Variants in SNX11 observed in about 807,000 individuals in gnomAD.
The protein encoded by SNX11 is sorting nexin 11.
SNX11 carries 19 observed loss-of-function variants against 30.7 expected under a neutral mutation model. The observed-to-expected ratio is 0.62, with a 90% CI of 0.43 to 0.91. SNX11 has a LOEUF of 0.91. Ranked by LOEUF, SNX11 falls within the 40% of genes least tolerant of loss-of-function variation. SNX11 has a pLI of 0.00. For missense variants in SNX11, 302 were observed against 326.7 expected (o/e 0.92, Z 0.58); for synonymous variants, 112 against 119.0 (o/e 0.94, Z 0.38).
At chr17:48,116,785 C>T (rs953159769) in intron 4 of SNX11, among the ~76,000 whole-genome samples, 1 of 151,098 alleles carries the variant, frequency 6.6e-6, no homozygotes, top group Admixed American at 6.6e-5. Flanking sequence ...TCAGGCTGGT[C>T]TCCAACTCCT....
intron 6 of SNX11, among the ~76,000 whole-genome samples, chr17:48,120,884 T>C (rs2063593642): frequency 7.0e-6 from 1 of 141,898 alleles, no homozygotes; most frequent in African/African-American, 2.6e-5. Flanking sequence ...CAGACTCAAA[T>C]AATTCACCAT....
At chr17:48,119,513 G>A (rs746869343) in intron 6 of SNX11, among the ~76,000 whole-genome samples, 44 of 152,174 alleles carry the variant, frequency 2.9e-4, no homozygotes, top group Non-Finnish European at 5.3e-4. Flanking sequence ...GTGCAGTGGC[G>A]TGATCTCGGC....
chr17:48,112,509 C>A, intron 2 of SNX11, 65 bp from the exon 3 acceptor site: 1 of 1,033,404 alleles, frequency 9.7e-7, no homozygotes, highest in Non-Finnish European at 1.5e-6. Context: ...AAAAATCTAG[C>A]GACCTGTGTT....
intron 4 of SNX11, among the ~76,000 whole-genome samples, chr17:48,116,935 G>A (rs544902411): frequency 3.3e-5 from 5 of 149,316 alleles, no homozygotes; most frequent in Middle Eastern, 3.5e-3. Flanking sequence ...GCAGTGGCAC[G>A]ATCTCGGCTC....
In SNX11 at chr17:48,123,412, C is replaced by T. The variant is rs934722168; in HGVS notation, c.*1904C>T. Among the ~76,000 whole-genome samples the T allele has an allele frequency of 6.1e-5, 9 of 148,030 alleles. No individual in the cohort carries two copies. The highest frequency in any genetic ancestry group is 1.4e-4 in the Non-Finnish European group (9 of 66,314). ...GCTGGAGGTGGTCTGTGTCAATTCCCTACTCAGCCAAAAAAACAGCAAGCT... is the reference window on the plus strand; with the variant it reads ...GCTGGAGGTGGTCTGTGTCAATTCCTTACTCAGCCAAAAAAACAGCAAGCT... On this transcript the variant is annotated 3_prime_UTR_variant, in exon 7 of 7. Transcript: ENST00000359238.
At chr17:48,113,555 T>G in intron 4 of SNX11, 154 bp downstream of exon 4, 1 of 541,246 alleles carries the variant, frequency 1.8e-6, no homozygotes, top group Non-Finnish European at 3.3e-6. Context: ...TGGGTTTTTT[T>G]TTTTTTTTGA....
chr17:48,122,533 G>C lies in SNX11; in HGVS notation c.*1025G>C, dbSNP rs1234383576. ...TTCTTCATCTCCACTGAGAGCCAGA[G>C]CTGGTAGGAGCCGAGTGCCACAGGC... On this transcript the variant is annotated 3_prime_UTR_variant, in exon 7 of 7. Coordinates refer to ENST00000359238, the MANE Select transcript of SNX11 (RefSeq NM_013323.3). The C allele has an allele frequency of 6.6e-6, 1 of 152,394 alleles. No individual in the cohort carries two copies. 9.4% of individuals were successfully genotyped at this position (152,394 alleles called of 1,614,324 possible). A position where few individuals can be genotyped will look rare whatever the true frequency, so the allele number is the denominator to read the frequency against.
At chr17:48,114,215 G>A (rs1160177995) in intron 4 of SNX11, among the ~76,000 whole-genome samples, 2 of 145,946 alleles carry the variant, frequency 1.4e-5, no homozygotes, top group African/African-American at 5.1e-5. Flanking sequence ...TTGCCTGGGT[G>A]CGATCTCGGC....
At chr17:48,108,958 G>A (rs924490651) in intron 1 of SNX11, among the ~76,000 whole-genome samples, 1 of 152,114 alleles carries the variant, frequency 6.6e-6, no homozygotes, top group African/African-American at 2.4e-5. Flanking sequence ...TTTGAGACAG[G>A]GTCTTGCTCT....
intron 4 of SNX11, among the ~76,000 whole-genome samples, chr17:48,115,860 C>T (rs190093720): frequency 6.6e-6 from 1 of 151,000 alleles, no homozygotes; most frequent in Admixed American, 6.6e-5. Context: ...CCCTAATAAA[C>T]CAGGTGAAAC....
At chr17:48,117,416 G>T (rs573284560) in intron 4 of SNX11, among the ~76,000 whole-genome samples, 4 of 151,760 alleles carry the variant, frequency 2.6e-5, no homozygotes, top group Non-Finnish European at 4.4e-5. Flanking sequence ...CACCACGCCC[G>T]GCTAGTTTTT....
At chr17:48,118,058 A>C (rs1187912791) in intron 4 of SNX11, among the ~76,000 whole-genome samples, 1 of 152,142 alleles carries the variant, frequency 6.6e-6, no homozygotes, top group South Asian at 2.1e-4. Flanking sequence ...ACAGACAAAA[A>C]TAATGTATCA....
intron 4 of SNX11, among the ~76,000 whole-genome samples, chr17:48,115,130 C>T (rs1191578274): frequency 3.4e-5 from 5 of 146,182 alleles, no homozygotes; most frequent in Non-Finnish European, 7.5e-5. Context: ...GGTGTGATCT[C>T]GGCTCACTGC....
At chr17:48,117,629 T>C (rs1411812332) in intron 4 of SNX11, among the ~76,000 whole-genome samples, 1 of 151,120 alleles carries the variant, frequency 6.6e-6, no homozygotes, top group Non-Finnish European at 1.5e-5. Flanking sequence ...TGAGCTCAAG[T>C]GATCTGCCCA....
chr17:48,121,530 T>A lies in SNX11; in HGVS notation c.*22T>A. ...GTGAGCTCTGGGTTCTGCTCTGAGA[T>A]GGTCAGAGAAGATGCGGGCCAGGAG... On this transcript the variant is annotated 3_prime_UTR_variant, in exon 7 of 7. Transcript: ENST00000359238. 6.2e-7 allele frequency: 1 copy of A among 1,609,756 alleles called. No individual in the cohort carries two copies. Among genetic ancestry groups the A allele is most frequent in the Non-Finnish European group, 8.5e-7 (1 of 1,178,090 alleles).
chr17:48,119,012 T>A lies in SNX11; in HGVS notation c.365T>A (p.Leu122Ter). The A allele has an allele frequency of 6.2e-7, 1 of 1,614,098 alleles. No homozygotes were observed. Residue 122 changes from leucine to a stop codon, truncating the protein, a stop_gained, in exon 6 of 7, where the codon TTG becomes TAG. Coordinates refer to ENST00000359238, the MANE Select transcript of SNX11 (RefSeq NM_013323.3). LOFTEE classifies it high-confidence loss of function. ...QSVVLLSDSQ[L>*]HLFLQSQLSV... Reference sequence around the variant, plus strand: ...GTGGTTCTCCTGTCAGACAGCCAGTTGCACCTATTCCTGCAAAGCCAGCTC... The same window carrying A: ...GTGGTTCTCCTGTCAGACAGCCAGTAGCACCTATTCCTGCAAAGCCAGCTC...
chr17:48,117,066 T>C (rs2063552978), intron 4 of SNX11, among the ~76,000 whole-genome samples: 2 of 151,586 alleles, frequency 1.3e-5, no homozygotes. Flanking sequence ...TTTTTTGTTT[T>C]TTTTTGAGAT....
intron 4 of SNX11, among the ~76,000 whole-genome samples, chr17:48,114,373 G>A (rs1044552982): frequency 1.3e-5 from 2 of 151,182 alleles, no homozygotes; most frequent in Admixed American, 6.6e-5. Flanking sequence ...GGCTGGTCTC[G>A]AACTCCTAAC....
rs779711449 is a variant in SNX11 at position 48,113,361 on chromosome 17, G to A, written c.190G>A (p.Val64Met). 4.3e-6 allele frequency: 7 copies of A among 1,613,672 alleles called. No individual in the cohort carries two copies. Among genetic ancestry groups the A allele is most frequent in the Middle Eastern group, 1.6e-4 (1 of 6,062 alleles). ...TGTGCGGCGCCGCTACCGTGAGTTCGTGTGGCTGAGAAAGCAGCTACAGAG... is the reference window on the plus strand; with the variant it reads ...TGTGCGGCGCCGCTACCGTGAGTTCATGTGGCTGAGAAAGCAGCTACAGAG... ...SCVRRRYREFVWLRKQLQRNA... is the reference protein window; with the variant it reads ...SCVRRRYREFMWLRKQLQRNA... Residue 64 changes from valine (V) to methionine (M), a missense_variant, in exon 4 of 7, where the codon GTG (valine) becomes ATG (methionine). Transcript: ENST00000359238.
Sources: allele counts gnomAD v4.1 joint callset (sites outside exome capture counted in the v4.1 genomes callset), GRCh38; gene constraint gnomAD v4.1.1; transcripts MANE v1.5; gene names NCBI Gene and HGNC (gene_info 2026-07-23, HGNC 2026-07-21).